Variants in ZNF71 observed in about 807,000 individuals in gnomAD.
The protein encoded by ZNF71 is zinc finger protein 71, also known as endothelial zinc finger protein induced by tumor necrosis factor alpha.
In ZNF71, 3 loss-of-function variants were observed where a neutral mutation model predicts 6.7. That is an observed-to-expected ratio of 0.45 (90% CI 0.20 to 1.16). The LOEUF is 1.16. ZNF71 is among the 50% of genes most tolerant of loss of function. The pLI, the probability that ZNF71 is intolerant of heterozygous loss-of-function variation, is 0.25. For synonymous variants in ZNF71, 343 were observed against 311.1 expected, an observed-to-expected ratio of 1.10 and a Z score of -1.08; for missense variants, 688 against 728.6, an observed-to-expected ratio of 0.94 and a Z score of 0.64.
In ZNF71 at chr19:56,622,554, G is replaced by A. The variant is rs774584964; in HGVS notation, c.1447G>A (p.Ala483Thr). The change falls in exon 4 of 4, where the codon GCC (alanine) becomes ACC (threonine). Residue 483 changes from alanine to threonine, a missense_variant. By Grantham distance (58) the Ala-to-Thr change is moderately conservative. Coordinates refer to ENST00000599599, the MANE Select transcript of ZNF71 (RefSeq NM_001370215.1). ...GECGKAFSQS[A>T]YLIEHQRIHT... ...GTGCGGCAAGGCCTTCAGCCAGAGC[G>A]CCTACCTCATCGAGCACCAGCGGAT... 13 of 1,591,586 alleles carry A rather than the reference G, an allele frequency of 8.2e-6. No homozygotes were observed. The highest frequency in any genetic ancestry group is 7.8e-5 in the South Asian group (7 of 90,018).
At chr19:56,609,653 T>C (rs138701995) in intron 2 of ZNF71, among the ~76,000 whole-genome samples, 19,610 of 133,212 alleles carry the variant, frequency 0.15, 2,085 homozygotes, top group East Asian at 0.32. Context: ...TTGCCTGTTC[T>C]GGACATTGTA....
chr19:56,604,138 A>G (rs2044692357), intron 2 of ZNF71, among the ~76,000 whole-genome samples: 1 of 152,178 alleles, frequency 6.6e-6, no homozygotes, highest in East Asian at 1.9e-4. Context: ...GAATTGTTGT[A>G]TTACAATTTT....
intron 2 of ZNF71, among the ~76,000 whole-genome samples, chr19:56,607,511 C>G (rs772219579): frequency 3.6e-4 from 55 of 152,216 alleles, no homozygotes; most frequent in Non-Finnish European, 5.9e-4. Flanking sequence ...TTCACAACCC[C>G]CCATGACGTA....
At chr19:56,600,113 T>TTAGATGGAG (rs2044657675) in intron 1 of ZNF71, among the ~76,000 whole-genome samples, 1 of 146,914 alleles carries the variant, frequency 6.8e-6, no homozygotes, top group African/African-American at 2.6e-5. Flanking sequence ...TTTTTTTTTT[T>TTAGATGGAG]TGAGATGGAG....
chr19:56,623,539 A>G lies in ZNF71; in HGVS notation c.*782A>G, dbSNP rs553056528. On this transcript the variant is annotated 3_prime_UTR_variant, in exon 4 of 4. Transcript: ENST00000599599. ...GAAAAGAAACAGCAGCAGGTTTGAT[A>G]TTCAGAAAGAAATATGCATGGATTC... 219 of 167,250 alleles carry G rather than the reference A, an allele frequency of 1.3e-3. 2 individuals are homozygous for G. Among genetic ancestry groups the G allele is most frequent in the Non-Finnish European group, 1.3e-3 (90 of 68,130 alleles). 10.4% of individuals were successfully genotyped at this position (167,250 alleles called of 1,614,324 possible).
At chr19:56,612,055 G>A (rs1447389972) in intron 2 of ZNF71, among the ~76,000 whole-genome samples, 1 of 152,182 alleles carries the variant, frequency 6.6e-6, no homozygotes, top group East Asian at 1.9e-4. Context: ...CAATAGATTG[G>A]CGTGGATGTG....
chr19:56,604,927 A>G (rs568244775), intron 2 of ZNF71, among the ~76,000 whole-genome samples: 1 of 152,310 alleles, frequency 6.6e-6, no homozygotes, highest in African/African-American at 2.4e-5. Flanking sequence ...ATGCATTACC[A>G]TTCTGAGTGT....
At position 56,622,835 on chromosome 19, in the gene ZNF71, G is replaced by A. The variant is rs1568510682; in HGVS notation, c.*78G>A. On this transcript the variant is annotated 3_prime_UTR_variant, in exon 4 of 4. Coordinates refer to ENST00000599599, the MANE Select transcript of ZNF71 (RefSeq NM_001370215.1). ...CTGCGCGCTTTGTCAGCAGTGCTGTGAGAAGTTCTCCCCTGGGGTGGGGAC... is the reference window on the plus strand; with the variant it reads ...CTGCGCGCTTTGTCAGCAGTGCTGTAAGAAGTTCTCCCCTGGGGTGGGGAC... The A allele has an allele frequency of 6.6e-7, 1 of 1,520,340 alleles. No individual in the cohort carries two copies. Among genetic ancestry groups the A allele is most frequent in the Non-Finnish European group, 8.8e-7 (1 of 1,132,116 alleles). The allele number at this position is 1,520,340 out of a possible 1,614,324, so 94.2% of individuals were successfully genotyped here.
At position 56,613,907 on chromosome 19, in the gene ZNF71, G is replaced by T. The variant is rs2044770645; in HGVS notation, c.129G>T (p.Met43Ile). The stretch of plus-strand genomic sequence containing the variant: ...AGAAGGACCTGTACAGGGATGTCAT[G>T]CTGGAGAACTACAGGAACCTGGTCT... ...PAQKDLYRDV[M>I]LENYRNLVSL... Residue 43 changes from methionine to isoleucine, a missense_variant, in exon 3 of 4, where the codon ATG becomes ATT. Met to Ile is a conservative substitution (Grantham distance 10, BLOSUM62 1). Transcript: ENST00000599599. This position sits in a 1 kb window ranked among gnomAD's most constrained non-coding sequence, Gnocchi z 4.6. 3 of 1,084,410 alleles carry T rather than the reference G, an allele frequency of 2.8e-6. No homozygotes were observed. In the East Asian group the frequency reaches 2.3e-4, roughly 81 times the overall value. 67.2% of individuals were successfully genotyped at this position (1,084,410 alleles called of 1,614,324 possible).
At chr19:56,608,492 C>A (rs1222572516) in intron 2 of ZNF71, among the ~76,000 whole-genome samples, 1 of 152,066 alleles carries the variant, frequency 6.6e-6, no homozygotes, top group Non-Finnish European at 1.5e-5. Flanking sequence ...TATGCATAGA[C>A]TGCATTTTGC....
intron 1 of ZNF71, among the ~76,000 whole-genome samples, chr19:56,597,831 TGCTG>T (rs745426176): frequency 5.3e-5 from 8 of 152,204 alleles, no homozygotes; most frequent in Non-Finnish European, 7.3e-5. Flanking sequence ...GGAACAGGGT[TGCTG>T]GGTTATGGGA....
rs1359060205 is a variant in ZNF71, at chr19:56,603,224, T to C, written c.33+1633T>C. 6.6e-6 allele frequency among the ~76,000 whole-genome samples: 1 copy of C among 152,184 alleles called. No individual in the cohort carries two copies. Among genetic ancestry groups the C allele is most frequent in the African/African-American group, 2.4e-5 (1 of 41,442 alleles). ...TACCCATTGGCACTCATTTCCATTTTCCCCCATCAGTCCACGGCCCCTGGC... is the reference window on the plus strand; with the variant it reads ...TACCCATTGGCACTCATTTCCATTTCCCCCCATCAGTCCACGGCCCCTGGC... On this transcript the variant is annotated intron_variant, in intron 2 of 3. Transcript: ENST00000599599. This position sits in a 1 kb window ranked among gnomAD's most constrained non-coding sequence, Gnocchi z 4.6.
chr19:56,606,472 C>G (rs748558362), intron 2 of ZNF71, among the ~76,000 whole-genome samples: 6 of 152,100 alleles, frequency 3.9e-5, no homozygotes, highest in Non-Finnish European at 8.8e-5. Flanking sequence ...TGGGTAGTAA[C>G]CATCTCAGAA....
In ZNF71 at chr19:56,622,197, G is replaced by C; in HGVS notation, c.1090G>C (p.Gly364Arg). 1 of 1,613,614 alleles carries C rather than the reference G, an allele frequency of 6.2e-7. No homozygotes were observed. The highest frequency in any genetic ancestry group is 1.3e-5 in the African/African-American group (1 of 74,894). ...GAAGCCGTACGCCTGCAAGGAGTGC[G>C]GCAAGGCCTTCAACAAGAGCTCCTC... is the stretch of plus-strand genomic sequence containing the variant. ...GEKPYACKEC[G>R]KAFNKSSSLT... Residue 364 changes from glycine (G) to arginine (R), a missense_variant, in exon 4 of 4, where the codon GGC (glycine) becomes CGC (arginine). Physicochemically the swap from Gly to Arg is moderately radical, Grantham distance 125. Coordinates refer to ENST00000599599, the MANE Select transcript of ZNF71 (RefSeq NM_001370215.1).
In ZNF71 at chr19:56,613,702, T is replaced by G; in HGVS notation, c.34-110T>G. 1 of 906,178 alleles carries G rather than the reference T, an allele frequency of 1.1e-6. No individual in the cohort carries two copies. Among genetic ancestry groups the G allele is most frequent in the Non-Finnish European group, 1.3e-6 (1 of 742,022 alleles). The allele number at this position is 906,178 out of a possible 1,614,324, so 56.1% of individuals were successfully genotyped here. A position where few individuals can be genotyped will look rare whatever the true frequency, so the allele number is the denominator to read the frequency against. ...AACTCTGCATCTTATTGAAATCACTTCAGCTACATCCCATCTGCCTCCCCT... is the reference window on the plus strand; with the variant it reads ...AACTCTGCATCTTATTGAAATCACTGCAGCTACATCCCATCTGCCTCCCCT... On this transcript the variant is annotated intron_variant, in intron 2 of 3. Coordinates refer to ENST00000599599, the MANE Select transcript of ZNF71 (RefSeq NM_001370215.1). The surrounding 1 kb of genome is among the most constrained non-coding windows in gnomAD (Gnocchi z 4.6).
chr19:56,616,951 A>C (rs1160297708), intron 3 of ZNF71, among the ~76,000 whole-genome samples: 2 of 152,150 alleles, frequency 1.3e-5, no homozygotes, highest in Non-Finnish European at 2.9e-5. Context: ...ATTTTGTTTT[A>C]GGCTCAAGGG....
chr19:56,613,510 AT>A lies in ZNF71; in HGVS notation c.34-299del, dbSNP rs2044767351. Among the ~76,000 whole-genome samples the A allele has an allele frequency of 6.6e-6, 1 of 152,094 alleles. No homozygotes were observed. Among genetic ancestry groups the A allele is most frequent in the Non-Finnish European group, 1.5e-5 (1 of 68,024 alleles). ...TCTGCCTCTGCTGTGCTCCTAATGCATTTGTTGATTCACTGGGTTAGACTCA... is the reference window on the plus strand; with the variant it reads ...TCTGCCTCTGCTGTGCTCCTAATGCATTGTTGATTCACTGGGTTAGACTCA... On this transcript the variant is annotated intron_variant, in intron 2 of 3. Transcript: ENST00000599599. The surrounding 1 kb of genome is among the most constrained non-coding windows in gnomAD (Gnocchi z 4.6).
chr19:56,603,723 ATTACT>A lies in ZNF71; in HGVS notation c.33+2134_33+2138del, dbSNP rs1330753051. On this transcript the variant is annotated intron_variant, in intron 2 of 3. Transcript: ENST00000599599. This position sits in a 1 kb window ranked among gnomAD's most constrained non-coding sequence, Gnocchi z 4.6. Reference sequence around the variant, plus strand: ...TGCCTTGAATTCTTCTTTTACCTACATTACTTAGAAAGATTTGTTGATTGTTTTTA... The same window carrying A: ...TGCCTTGAATTCTTCTTTTACCTACATAGAAAGATTTGTTGATTGTTTTTA... Among the ~76,000 whole-genome samples, 1 of 149,154 alleles carries A rather than the reference ATTACT, an allele frequency of 6.7e-6. No individual in the cohort carries two copies. The highest frequency in any genetic ancestry group is 2.5e-5 in the African/African-American group (1 of 40,656).
intron 2 of ZNF71, among the ~76,000 whole-genome samples, chr19:56,608,753 A>G (rs2044728540): frequency 6.6e-6 from 1 of 152,166 alleles, no homozygotes; most frequent in South Asian, 2.1e-4. Context: ...AAACATGAAA[A>G]TATTCACAGT....
Sources: allele counts gnomAD v4.1 joint callset (sites outside exome capture counted in the v4.1 genomes callset), GRCh38; gene constraint gnomAD v4.1.1; non-coding constraint Gnocchi (gnomAD v3.1); transcripts MANE v1.5; gene names NCBI Gene and HGNC (gene_info 2026-07-23, HGNC 2026-07-21).